Variants in HEPH observed in about 807,000 individuals in gnomAD.
The protein encoded by HEPH is hephaestin.
A neutral mutation model predicts 80.8 loss-of-function variants in HEPH; 69 were observed. That is an observed-to-expected ratio of 0.85 (90% CI 0.70 to 1.04). The LOEUF (loss-of-function observed/expected upper bound fraction) is 1.04. Among genes scored for constraint, HEPH ranks in the 50% least tolerant of loss-of-function variants. The probability of loss-of-function intolerance (pLI) is 0.00; values close to 1 mark genes in which losing one functional copy is unlikely to be tolerated. For synonymous variants in HEPH, 431 were observed against 322.8 expected (o/e 1.34, Z -3.60); for missense variants, 1,115 against 891.3 (o/e 1.25, Z -3.20).
intron 15 of HEPH, among the ~76,000 whole-genome samples, chrX:66,230,698 T>A (rs1397788934): frequency 5.0e-4 from 50 of 100,272 alleles, no homozygotes; most frequent in Admixed American, 2.0e-3. Context: ...ATGAGTAGGT[T>A]GCGAAAATTT....
At chrX:66,229,881 C>T (rs765129690) in intron 15 of HEPH, among the ~76,000 whole-genome samples, 9 of 106,911 alleles carry the variant, frequency 8.4e-5, no homozygotes, top group South Asian at 4.3e-4. Flanking sequence ...CCCACTAACC[C>T]GTCATCTTGC....
chrX:66,206,806 A>T (rs1296253465), intron 13 of HEPH, among the ~76,000 whole-genome samples: 1 of 109,864 alleles, frequency 9.1e-6, no homozygotes, highest in African/African-American at 3.3e-5. Context: ...ATCTGAGGTC[A>T]GGAGTTCAAA....
At chrX:66,229,367 C>T (rs976246387) in intron 15 of HEPH, among the ~76,000 whole-genome samples, 2 of 111,570 alleles carry the variant, frequency 1.8e-5, no homozygotes, top group Admixed American at 9.5e-5. Flanking sequence ...AACCAAATAT[C>T]GTATATTCTC....
rs144956410 is a variant in HEPH at position 66,260,874 on chromosome X, C to G, written c.3199+612C>G. On this transcript the variant is annotated intron_variant, in intron 19 of 20. Transcript: ENST00000343002. Reference sequence around the variant, plus strand: ...CTCAGACTCTTAGACTCAAGCAGTCCTCCCACATCAGCCTCCCAAGTAGCT... The same window carrying G: ...CTCAGACTCTTAGACTCAAGCAGTCGTCCCACATCAGCCTCCCAAGTAGCT... Among the ~76,000 whole-genome samples, 842 of 110,752 alleles carry G rather than the reference C, an allele frequency of 7.6e-3. 6 individuals carry two copies. The highest frequency in any genetic ancestry group is 0.013 in the Non-Finnish European group (666 of 52,874).
chrX:66,212,532 G>T (rs1466077406), intron 15 of HEPH, among the ~76,000 whole-genome samples: 2 of 111,616 alleles, frequency 1.8e-5, no homozygotes, highest in Non-Finnish European at 3.8e-5. Context: ...TCTTCTGCAT[G>T]TGGCTGTGCA....
chrX:66,196,208 G>C (rs1309103203), intron 9 of HEPH, among the ~76,000 whole-genome samples: 2 of 111,243 alleles, frequency 1.8e-5, no homozygotes, highest in African/African-American at 6.5e-5. Flanking sequence ...CATAGGAGAT[G>C]CGTGCTAATA....
At chrX:66,178,719 G>C (rs892729873) in intron 4 of HEPH, among the ~76,000 whole-genome samples, 1 of 112,367 alleles carries the variant, frequency 8.9e-6, no homozygotes, top group African/African-American at 3.2e-5. Flanking sequence ...TTTTTCATGT[G>C]TCTTTTGGCT....
intron 17 of HEPH, among the ~76,000 whole-genome samples, chrX:66,258,065 A>G (rs994375646): frequency 2.7e-5 from 3 of 111,988 alleles, no homozygotes; most frequent in African/African-American, 9.7e-5. Context: ...TTTAACATTT[A>G]TTGTAGGCTC....
intron 15 of HEPH, among the ~76,000 whole-genome samples, chrX:66,217,922 G>T (rs1418328758): frequency 2.7e-5 from 3 of 111,197 alleles, no homozygotes; most frequent in Non-Finnish European, 5.7e-5. Flanking sequence ...TAAAGCAACA[G>T]CAGTTAAAAA....
intron 1 of HEPH, among the ~76,000 whole-genome samples, chrX:66,168,019 CT>C (rs1345613128): frequency 8.9e-6 from 1 of 111,900 alleles, no homozygotes; most frequent in African/African-American, 3.3e-5. Context: ...ACAGCGACCT[CT>C]AAAAAATGAC....
intron 20 of HEPH, 80 bp downstream of exon 20, chrX:66,263,768 T>G: frequency 1.1e-6 from 1 of 923,346 alleles, no homozygotes; most frequent in African/African-American, 1.9e-5. Flanking sequence ...CTTTAGGGTA[T>G]GGGACTTATG....
At chrX:66,187,689 C>T (rs1396657511) in intron 4 of HEPH, among the ~76,000 whole-genome samples, 1 of 110,972 alleles carries the variant, frequency 9.0e-6, no homozygotes, top group Admixed American at 9.6e-5. Flanking sequence ...TTCAGAGGGT[C>T]TGTGGGTCCT....
Position 66,169,988 on chromosome X carries a change from G to A in HEPH, c.-13-570G>A, listed in dbSNP as rs2086521345. On this transcript the variant is annotated intron_variant, in intron 1 of 20. Transcript: ENST00000343002. ...TAGTTGTAGTTTGTTCATTATTATT[G>A]CTATAAAGAATTTCATTTTATGAAT... The A allele has an allele frequency of 4.5e-5, 5 of 111,433 alleles. No individual in the cohort carries two copies. The Admixed American group carries it at 4.8e-4, about 11-fold the overall frequency. 9.2% of individuals were successfully genotyped at this position (111,433 alleles called of 1,213,427 possible). A position where few individuals can be genotyped will look rare whatever the true frequency, so the allele number is the denominator to read the frequency against.
chrX:66,204,680 T>C (rs1488602307), intron 13 of HEPH, among the ~76,000 whole-genome samples: 1 of 111,918 alleles, frequency 8.9e-6, no homozygotes, highest in Non-Finnish European at 1.9e-5. Context: ...AAAACACTAA[T>C]TTAAGCCACA....
downstream of HEPH, chrX:66,267,855 G>A (rs915084313): frequency 9.0e-6 from 1 of 111,197 alleles, no homozygotes; most frequent in Non-Finnish European, 1.9e-5. Context: ...ACAGATAAGT[G>A]ATAAATTTTA....
chrX:66,265,289 C>T (rs775885917), intron 20 of HEPH, among the ~76,000 whole-genome samples: 113 of 110,698 alleles, frequency 1.0e-3, no homozygotes, highest in African/African-American at 3.6e-3. Flanking sequence ...TATTTTTCAG[C>T]GTCTATAAAT....
In HEPH at chrX:66,260,201, C is replaced by T. The variant is rs770973686; in HGVS notation, c.3138C>T (p.Cys1046=). The change falls in exon 19 of 21, where the codon TGC becomes TGT. Residue 1046 remains cysteine, a synonymous_variant. Transcript: ENST00000343002. ...ACCCTGGGACATGGCTGATGCACTG[C>T]CATGTGACTGACCATGTCCATGCTG... The part of the protein sequence containing the change: ...ASNPGTWLMH[C]HVTDHVHAGM... The T allele has an allele frequency of 4.1e-6, 5 of 1,208,633 alleles. No individual in the cohort carries two copies. The South Asian group carries it at 5.3e-5, about 13-fold the overall frequency.
At chrX:66,201,007 G>A (rs975620073) in intron 12 of HEPH, among the ~76,000 whole-genome samples, 1 of 111,591 alleles carries the variant, frequency 9.0e-6, no homozygotes, top group Non-Finnish European at 1.9e-5. Context: ...AGGGAAGTTG[G>A]GATGTTGCTC....
At chrX:66,239,969 A>G (rs1379516378) in intron 15 of HEPH, among the ~76,000 whole-genome samples, 2 of 111,847 alleles carry the variant, frequency 1.8e-5, no homozygotes, top group Admixed American at 9.5e-5. Context: ...TGGCATATAA[A>G]TAGAATAATA....
Sources: allele counts gnomAD v4.1 joint callset (sites outside exome capture counted in the v4.1 genomes callset), GRCh38; gene constraint gnomAD v4.1.1; transcripts MANE v1.5; gene names NCBI Gene and HGNC (gene_info 2026-07-23, HGNC 2026-07-21).